Variants in STXBP6 observed in about 807,000 individuals in gnomAD.
STXBP6 encodes syntaxin-binding protein 6.
STXBP6 carries 21 observed loss-of-function variants against 26.9 expected under a neutral mutation model. The ratio of observed to expected loss-of-function variants is 0.78; its 90% CI spans 0.55 to 1.12. The LOEUF (loss-of-function observed/expected upper bound fraction) is 1.12. STXBP6 is among the 50% of genes most tolerant of loss of function. STXBP6 has a pLI of 0.00. For missense variants in STXBP6, 232 were observed against 257.9 expected (o/e 0.90, Z 0.69); for synonymous variants, 97 against 92.6 (o/e 1.05, Z -0.27).
At chr14:24,960,694 T>C (rs2073506474) in intron 2 of STXBP6, among the ~76,000 whole-genome samples, 1 of 152,192 alleles carries the variant, frequency 6.6e-6, no homozygotes, top group Non-Finnish European at 1.5e-5. Flanking sequence ...ATTTGGCCTT[T>C]ACAGCTGAAC....
At chr14:24,845,225 G>A (rs111294780) in intron 4 of STXBP6, among the ~76,000 whole-genome samples, 1 of 152,018 alleles carries the variant, frequency 6.6e-6, no homozygotes, top group Non-Finnish European at 1.5e-5. Context: ...TGTTAGCCAG[G>A]ATGGTCTCGA....
chr14:24,836,689 G>GTTAGTCC (rs555571034), intron 4 of STXBP6, among the ~76,000 whole-genome samples: 50 of 149,538 alleles, frequency 3.3e-4, no homozygotes, highest in African/African-American at 1.2e-3. Flanking sequence ...TTTTCCCTAT[G>GTTAGTCC]TTAGTCCTTG....
intron 1 of STXBP6, among the ~76,000 whole-genome samples, chr14:24,982,375 C>T (rs551422323): frequency 6.6e-6 from 1 of 152,180 alleles, no homozygotes; most frequent in Non-Finnish European, 1.5e-5. Context: ...GAAAATGGTA[C>T]CCTTCTTCTG....
At chr14:24,865,360 A>G (rs2069680296) in intron 2 of STXBP6, among the ~76,000 whole-genome samples, 1 of 152,148 alleles carries the variant, frequency 6.6e-6, no homozygotes, top group African/African-American at 2.4e-5. Context: ...TGGTGCACGG[A>G]GGAATAACCC....
chr14:25,027,229 C>T (rs1595343728), intron 1 of STXBP6, among the ~76,000 whole-genome samples: 1 of 152,158 alleles, frequency 6.6e-6, no homozygotes, highest in African/African-American at 2.4e-5. Context: ...TTTGTGGCAG[C>T]CCAGTGTGAA....
At chr14:24,927,616 C>A (rs142227974) in intron 2 of STXBP6, among the ~76,000 whole-genome samples, 144 of 152,318 alleles carry the variant, frequency 9.5e-4, no homozygotes, top group Non-Finnish European at 1.7e-3. Context: ...TTCTAAATCA[C>A]TTCTGACGTT....
At position 24,812,473 on chromosome 14, in the gene STXBP6, C is replaced by T. The variant is rs2067849715; in HGVS notation, c.*236G>A. On this transcript the variant is annotated 3_prime_UTR_variant, in exon 6 of 6. Coordinates refer to ENST00000323944, the MANE Select transcript of STXBP6 (RefSeq NM_001394410.1). ...CACACATACACACAGTGGGAGGAGG[C>T]AAAAACCCAAAATGAAGCTGATGCT... 5.4e-6 allele frequency: 3 copies of T among 556,254 alleles called. No individual in the cohort carries two copies. The highest frequency in any genetic ancestry group is 3.2e-6 in the Non-Finnish European group (1 of 311,806). The allele number at this position is 556,254 out of a possible 1,614,324, so 34.5% of individuals were successfully genotyped here.
At chr14:24,940,072 T>A (rs2072748564) in intron 2 of STXBP6, among the ~76,000 whole-genome samples, 1 of 152,218 alleles carries the variant, frequency 6.6e-6, no homozygotes, top group African/African-American at 2.4e-5. Context: ...AAATCTGATA[T>A]ATTCGTACTT....
intron 2 of STXBP6, among the ~76,000 whole-genome samples, chr14:24,897,470 T>C (rs966930170): frequency 6.6e-6 from 1 of 151,840 alleles, no homozygotes; most frequent in Admixed American, 6.6e-5. Flanking sequence ...ACATCTCCTT[T>C]GTTGGCAAAA....
At chr14:24,910,762 G>A (rs186395482) in intron 2 of STXBP6, among the ~76,000 whole-genome samples, 2 of 152,322 alleles carry the variant, frequency 1.3e-5, no homozygotes, top group East Asian at 1.9e-4. Flanking sequence ...TATCAGAGAT[G>A]TTAAAACAAC....
rs543166619 is a variant in STXBP6, at chr14:25,021,245, C to T, written c.-33+28633G>A. On this transcript the variant is annotated intron_variant, in intron 1 of 5. Coordinates refer to ENST00000323944, the MANE Select transcript of STXBP6 (RefSeq NM_001394410.1). ...TTCTCTCCTTTCATCTTAGGCCAAC[C>T]ACTCCATTTGGGCTTCAGATTCCAC... is the stretch of plus-strand genomic sequence containing the variant. Among the ~76,000 whole-genome samples the T allele has an allele frequency of 1.4e-4, 22 of 152,238 alleles. No homozygotes were observed. In the South Asian group the frequency reaches 2.3e-3, roughly 16 times the overall value.
intron 2 of STXBP6, among the ~76,000 whole-genome samples, chr14:24,874,536 C>G (rs1431654006): frequency 6.6e-6 from 1 of 152,040 alleles, no homozygotes; most frequent in Non-Finnish European, 1.5e-5. Flanking sequence ...CAGCCAGAAT[C>G]CAAATCGCTC....
At position 25,035,912 on chromosome 14, in the gene STXBP6, T is replaced by C. The variant is rs573378255; in HGVS notation, c.-33+13966A>G. On this transcript the variant is annotated intron_variant, in intron 1 of 5. Transcript: ENST00000323944. Reference sequence around the variant, plus strand: ...AACACAGAGGTTTCTTTGCTACTACTTTGAGCCAGAAAAACAGGTTGTGGG... The same window carrying C: ...AACACAGAGGTTTCTTTGCTACTACCTTGAGCCAGAAAAACAGGTTGTGGG... 2.0e-5 allele frequency among the ~76,000 whole-genome samples: 3 copies of C among 152,234 alleles called. No individual in the cohort carries two copies. The East Asian group carries it at 5.8e-4, about 29-fold the overall frequency.
intron 1 of STXBP6, among the ~76,000 whole-genome samples, chr14:25,044,568 C>T (rs2075697071): frequency 1.3e-5 from 2 of 152,184 alleles, no homozygotes; most frequent in East Asian, 3.8e-4. Flanking sequence ...GCTGTCCAGT[C>T]CTCTCTATAA....
At chr14:24,825,486 T>C (rs1344740906) in intron 4 of STXBP6, among the ~76,000 whole-genome samples, 1 of 152,206 alleles carries the variant, frequency 6.6e-6, no homozygotes, top group Non-Finnish European at 1.5e-5. Flanking sequence ...GACTTAATGC[T>C]CAGGAATACT....
rs71121808 is a variant in STXBP6, at chr14:24,976,852, C to CTTTTTTTTTTTTTTTTTTTTTTTTT, written c.-32-2027_-32-2003dup. 1.1e-4 allele frequency among the ~76,000 whole-genome samples: 5 copies of CTTTTTTTTTTTTTTTTTTTTTTTTT among 45,276 alleles called. 1 individual carries two copies. Among genetic ancestry groups the CTTTTTTTTTTTTTTTTTTTTTTTTT allele is most frequent in the African/African-American group, 4.5e-4 (4 of 8,900 alleles). 29.7% of individuals were successfully genotyped at this position (45,276 alleles called of 152,430 possible). A position where few individuals can be genotyped will look rare whatever the true frequency, so the allele number is the denominator to read the frequency against. ...CAAAGTCCTGAGCTGACTGGGCGCT[C>CTTTTTTTTTTTTTTTTTTTTTTTTT]TTTTTTTTTTTTTTTTTTTTTTTTT... On this transcript the variant is annotated intron_variant, in intron 1 of 5. Transcript: ENST00000323944.
intron 2 of STXBP6, among the ~76,000 whole-genome samples, chr14:24,883,348 T>G (rs1304405729): frequency 6.6e-6 from 1 of 152,220 alleles, no homozygotes; most frequent in Non-Finnish European, 1.5e-5. Context: ...GAATCCATAG[T>G]GATACATTAC....
rs1175624354 is a variant in STXBP6 at position 24,933,224 on chromosome 14, C to T, written c.154+41441G>A. Among the ~76,000 whole-genome samples the T allele has an allele frequency of 2.0e-5, 3 of 152,256 alleles. No individual in the cohort carries two copies. In the Middle Eastern group the frequency reaches 0.01, roughly 518 times the overall value. On this transcript the variant is annotated intron_variant, in intron 2 of 5. Transcript: ENST00000323944. ...GGGTGCAGTGGTGACTGCCTATAGTCCCAACTACTTGGGAGGCTGAGGTGG... is the reference window on the plus strand; with the variant it reads ...GGGTGCAGTGGTGACTGCCTATAGTTCCAACTACTTGGGAGGCTGAGGTGG...
chr14:24,862,726 T>C (rs1233074801), intron 2 of STXBP6, among the ~76,000 whole-genome samples: 2 of 152,182 alleles, frequency 1.3e-5, no homozygotes, highest in Non-Finnish European at 1.5e-5. Context: ...TCTTGCTTTG[T>C]AAAGCAGTTT....
Sources: allele counts gnomAD v4.1 joint callset (sites outside exome capture counted in the v4.1 genomes callset), GRCh38; gene constraint gnomAD v4.1.1; transcripts MANE v1.5; gene names NCBI Gene and HGNC (gene_info 2026-07-23, HGNC 2026-07-21).